The following RBM26 variants were observed in gnomAD, a reference collection of about 807,000 sequenced individuals.
RBM26 encodes RNA binding motif protein 26.
Under a neutral mutation model 123.6 loss-of-function variants are expected in RBM26, and 30 were observed. That is an observed-to-expected ratio of 0.24 (90% confidence interval 0.18 to 0.33). The LOEUF (loss-of-function observed/expected upper bound fraction) is 0.33, where lower values mean the gene tolerates loss of function less well. RBM26 is among the 10% of genes least tolerant of loss of function. The pLI, the probability that RBM26 is intolerant of heterozygous loss-of-function variation, is 1.00. For missense variants in RBM26, 947 were observed against 1,203.6 expected (o/e 0.79, Z 3.15); for synonymous variants, 400 against 404.4 (o/e 0.99, Z 0.13).
chr13:79,359,578 T>G lies in RBM26; in HGVS notation c.1526A>C (p.Asp509Ala). 2.0e-6 allele frequency: 3 copies of G among 1,527,094 alleles called. No homozygotes were observed. The highest frequency in any genetic ancestry group is 2.7e-6 in the Non-Finnish European group (3 of 1,117,742). 94.6% of individuals were successfully genotyped at this position (1,527,094 alleles called of 1,614,324 possible). ...PGVPTKKTWFDKPNFNRTNSP... is the reference protein window; with the variant it reads ...PGVPTKKTWFAKPNFNRTNSP... Reference sequence around the variant, plus strand: ...TCAATTTTCCTGGCCACCTTACTTATCAAACCAAGTCTTCTTTGTAGGAAC... The same window carrying G: ...TCAATTTTCCTGGCCACCTTACTTAGCAAACCAAGTCTTCTTTGTAGGAAC... The change falls in exon 10 of 22, where the codon GAT becomes GCT. Residue 509 changes from aspartate (D) to alanine (A), a missense_variant. Physicochemically the swap from Asp to Ala is moderately radical, Grantham distance 126. Around this residue, in one of 5 missense-constraint regions of RBM26, gnomAD observed 493 missense variants for 563.1 expected, o/e 0.88. Transcript: ENST00000438737.
chr13:79,368,351 T>C (rs2075553221), intron 6 of RBM26, among the ~76,000 whole-genome samples: 1 of 152,200 alleles, frequency 6.6e-6, no homozygotes, highest in Non-Finnish European at 1.5e-5. Context: ...TTTAATAAAA[T>C]TCTTACAAAG....
chr13:79,344,705 A>C lies in RBM26; in HGVS notation c.2148T>G (p.Ser716=), dbSNP rs1225275142. 1 of 1,613,114 alleles carries C rather than the reference A, an allele frequency of 6.2e-7. No homozygotes were observed. ...AAQKTLLVST[S]AVDNNEAQKK... Reference sequence around the variant, plus strand: ...TCTGTGCTTCATTATTATCAACTGCAGAGGTGGAAACAAGTAAGGTTTTCT... The same window carrying C: ...TCTGTGCTTCATTATTATCAACTGCCGAGGTGGAAACAAGTAAGGTTTTCT... The change falls in exon 15 of 22, where the codon TCT becomes TCG. Residue 716 remains serine (S), a synonymous_variant. Transcript: ENST00000438737.
At chr13:79,335,190 T>A (rs1484446286) in intron 19 of RBM26, among the ~76,000 whole-genome samples, 1 of 152,050 alleles carries the variant, frequency 6.6e-6, no homozygotes, top group Non-Finnish European at 1.5e-5. Context: ...ACACATATCA[T>A]AGAAATGTTC....
chr13:79,384,441 CA>C (rs1018406100), intron 1 of RBM26, among the ~76,000 whole-genome samples: 2 of 151,920 alleles, frequency 1.3e-5, no homozygotes, highest in African/African-American at 4.8e-5. Context: ...TTTGGGTGTA[CA>C]AATAGGGTCT....
At chr13:79,323,156 C>T (rs1461211494) in intron 20 of RBM26, among the ~76,000 whole-genome samples, 1 of 151,434 alleles carries the variant, frequency 6.6e-6, no homozygotes, top group Non-Finnish European at 1.5e-5. Context: ...TGTCTAAGTA[C>T]TTGCTATATT....
exon 5 of RBM26, chr13:79,311,958 A>C (rs2066909733): frequency 6.6e-6 from 1 of 152,208 alleles, no homozygotes; most frequent in East Asian, 1.9e-4. Context: ...TTAACACTAT[A>C]AACATTCTAA....
At chr13:79,405,302 C>T (rs184240985) in intron 1 of RBM26, among the ~76,000 whole-genome samples, 1 of 152,204 alleles carries the variant, frequency 6.6e-6, no homozygotes, top group Admixed American at 6.5e-5. Context: ...TTAGGTGAAA[C>T]GTGAGTGATT....
chr13:79,377,456 G>A lies in RBM26; in HGVS notation c.250C>T (p.Pro84Ser). The change falls in exon 3 of 22, where the codon CCT becomes TCT. Residue 84 changes from proline to serine, a missense_variant. Physicochemically the swap from Pro to Ser is moderately conservative, Grantham distance 74 (BLOSUM62 -1). Transcript: ENST00000438737. ...DAVNTKSYLP[P>S]PEQPSSGSLK... ...CTTCCTGATGATGGCTGCTCTGGAG[G>A]AGGTAGGTAACTCTTTGTATTCACA... 1.9e-6 allele frequency: 3 copies of A among 1,612,798 alleles called. No homozygotes were observed. The highest frequency in any genetic ancestry group is 2.5e-6 in the Non-Finnish European group (3 of 1,178,830).
intron 1 of RBM26, among the ~76,000 whole-genome samples, chr13:79,403,456 T>C (rs1440935653): frequency 6.6e-6 from 1 of 152,212 alleles, no homozygotes; most frequent in Non-Finnish European, 1.5e-5. Flanking sequence ...TCTTCTCATT[T>C]AGGTAAGATG....
chr13:79,384,245 T>G (rs1018438094), intron 1 of RBM26, among the ~76,000 whole-genome samples: 6 of 184 alleles, frequency 0.033, no homozygotes, highest in African/African-American at 0.038. Flanking sequence ...GCTAATAAAG[T>G]TTTTTTTTTT....
At chr13:79,345,877 T>C (rs1390699580) in intron 14 of RBM26, among the ~76,000 whole-genome samples, 3 of 152,208 alleles carry the variant, frequency 2.0e-5, no homozygotes, top group Non-Finnish European at 2.9e-5. Context: ...GGGTATCTTT[T>C]TTATCCTTCA....
intron 9 of RBM26, among the ~76,000 whole-genome samples, chr13:79,364,684 C>G (rs1012139433): frequency 1.3e-5 from 2 of 151,936 alleles, no homozygotes; most frequent in Non-Finnish European, 2.9e-5. Flanking sequence ...GTGTAGCACT[C>G]TAGATGTAGG....
Position 79,320,678 on chromosome 13 carries a change from T to TATGAAG in RBM26, c.2966_2967insCTTCAT (p.Leu989delinsPhePheIle). The TATGAAG allele has an allele frequency of 6.3e-7, 1 of 1,595,732 alleles. No individual in the cohort carries two copies. The highest frequency in any genetic ancestry group is 1.7e-4 in the Middle Eastern group (1 of 5,984). On this transcript the variant is annotated protein_altering_variant, in exon 22 of 22. Transcript: ENST00000438737. ...CTTCTTCTTCATCATCATCTTGAAG[T>TATGAAG]AATGAGTCATCCACCAAAGACTCTT... is the stretch of plus-strand genomic sequence containing the variant.
chr13:79,402,868 T>TTTCCCCA (rs2079169324), intron 1 of RBM26, among the ~76,000 whole-genome samples: 3 of 152,212 alleles, frequency 2.0e-5, no homozygotes, highest in East Asian at 3.9e-4. Context: ...TGTTACCTAC[T>TTTCCCCA]ATATCTTGCA....
At chr13:79,330,939 C>T (rs190024363) in intron 20 of RBM26, among the ~76,000 whole-genome samples, 2,899 of 152,078 alleles carry the variant, frequency 0.019, 69 homozygotes, top group African/African-American at 0.065. Context: ...CACACACATA[C>T]ACACACACAC....
chr13:79,384,938 T>C (rs1205159458), intron 1 of RBM26, among the ~76,000 whole-genome samples: 1 of 152,186 alleles, frequency 6.6e-6, no homozygotes, highest in African/African-American at 2.4e-5. Flanking sequence ...TTGGAGACTT[T>C]AGAAATTCAG....
At chr13:79,396,417 A>G (rs1200753472) in intron 1 of RBM26, among the ~76,000 whole-genome samples, 1 of 152,220 alleles carries the variant, frequency 6.6e-6, no homozygotes, top group Non-Finnish European at 1.5e-5. Flanking sequence ...GTATAATTAA[A>G]AAGGGGAAAG....
rs2072774625 is a variant in RBM26 at position 79,349,017 on chromosome 13, G to C, written c.2058+4136C>G. On this transcript the variant is annotated intron_variant, in intron 14 of 21. Coordinates refer to ENST00000438737, the MANE Select transcript of RBM26 (RefSeq NM_001366735.2). The stretch of plus-strand genomic sequence containing the variant: ...TGTAAGCTGAAATACCATTTAAGTT[G>C]AAAATACATTTTCAACTTGTAAGTA... Among the ~76,000 whole-genome samples the C allele has an allele frequency of 2.0e-5, 3 of 152,060 alleles. No individual in the cohort carries two copies. In the South Asian group the frequency reaches 6.2e-4, roughly 32 times the overall value.
At chr13:79,371,573 A>C (rs570285166) in intron 4 of RBM26, among the ~76,000 whole-genome samples, 6 of 152,202 alleles carry the variant, frequency 3.9e-5, no homozygotes, top group African/African-American at 7.2e-5. Context: ...CAAAAAAAAA[A>C]CACCCACACA....
Sources: allele counts gnomAD v4.1 joint callset (sites outside exome capture counted in the v4.1 genomes callset), GRCh38; gene constraint gnomAD v4.1.1; regional missense constraint gnomAD v4.1.1; transcripts MANE v1.5; gene names NCBI Gene and HGNC (gene_info 2026-07-23, HGNC 2026-07-21).